The following MAF variants were observed in gnomAD, a reference collection of about 807,000 sequenced individuals.
MAF encodes the protein transcription factor Maf.
A neutral mutation model predicts 22.0 loss-of-function variants in MAF; 10 were observed. That is an observed-to-expected ratio of 0.45 (90% confidence interval 0.28 to 0.77). The LOEUF (loss-of-function observed/expected upper bound fraction) is 0.77, where lower values mean the gene tolerates loss of function less well. Ranked by LOEUF, MAF falls within the 30% of genes least tolerant of loss-of-function variation. The pLI, the probability that MAF is intolerant of heterozygous loss-of-function variation, is 0.12. For synonymous variants in MAF, 337 were observed against 255.8 expected (o/e 1.32, Z -3.03); for missense variants, 544 against 548.4 (o/e 0.99, Z 0.08).
At chr16:79,550,571 A>T in the MAF span, among the ~76,000 whole-genome samples, 2 of 152,196 alleles carry the variant, frequency 1.3e-5, no homozygotes, top group African/African-American at 4.8e-5. Flanking sequence ...ATTGTCATGC[A>T]AAAAGGAGAG....
the MAF span, among the ~76,000 whole-genome samples, chr16:79,217,986 TAAAAAAAAAAAAAA>T: frequency 0.01 from 532 of 52,130 alleles, 12 homozygotes; most frequent in East Asian, 0.14. Flanking sequence ...GAAGCTTATG[TAAAAAAAAAAAAAA>T]AAAAAAAAAA....
chr16:79,500,765 T>G, the MAF span, among the ~76,000 whole-genome samples: 1 of 152,168 alleles, frequency 6.6e-6, no homozygotes, highest in Non-Finnish European at 1.5e-5. Flanking sequence ...CCAGTAGAGA[T>G]GCAGACTGAC....
At chr16:79,569,380 GT>G in the MAF span, among the ~76,000 whole-genome samples, 1 of 152,204 alleles carries the variant, frequency 6.6e-6, no homozygotes, top group African/African-American at 2.4e-5. Flanking sequence ...AAACAGGTGA[GT>G]TTCTCTGGAT....
chr16:79,498,753 T>C, the MAF span, among the ~76,000 whole-genome samples: 1 of 152,258 alleles, frequency 6.6e-6, no homozygotes, highest in East Asian at 1.9e-4. Flanking sequence ...ACATAACCTC[T>C]ATACTATCCT....
the MAF span, among the ~76,000 whole-genome samples, chr16:79,346,034 CT>C: frequency 7.3e-5 from 11 of 151,054 alleles, no homozygotes; most frequent in African/African-American, 1.5e-4. Flanking sequence ...AGGGCTCATT[CT>C]TTTTTTTTAT....
At chr16:79,348,825 C>A in the MAF span, among the ~76,000 whole-genome samples, 2 of 152,318 alleles carry the variant, frequency 1.3e-5, no homozygotes, top group African/African-American at 4.8e-5. Context: ...TGAGTCAGGG[C>A]AGATATTCTG....
downstream of MAF, among the ~76,000 whole-genome samples, chr16:79,582,737 A>T (rs180705196): frequency 6.6e-6 from 1 of 152,372 alleles, no homozygotes; most frequent in Admixed American, 6.5e-5. Flanking sequence ...CAGTGCCAAC[A>T]GATATATTGA....
At chr16:79,563,331 A>G in the MAF span, among the ~76,000 whole-genome samples, 1 of 152,186 alleles carries the variant, frequency 6.6e-6, no homozygotes, top group African/African-American at 2.4e-5. Flanking sequence ...TAAATTATTA[A>G]TTTTGTTTGA....
the MAF span, among the ~76,000 whole-genome samples, chr16:79,569,730 T>C: frequency 6.6e-6 from 1 of 152,222 alleles, no homozygotes; most frequent in Non-Finnish European, 1.5e-5. Context: ...ACCCCAGGAT[T>C]ATTTAATTGA....
chr16:79,207,988 G>A, the MAF span, among the ~76,000 whole-genome samples: 1 of 152,060 alleles, frequency 6.6e-6, no homozygotes, highest in African/African-American at 2.4e-5. Flanking sequence ...TAGATCTGAG[G>A]GCCTCAACTA....
At chr16:79,391,141 A>C in the MAF span, among the ~76,000 whole-genome samples, 1 of 152,160 alleles carries the variant, frequency 6.6e-6, no homozygotes, top group Non-Finnish European at 1.5e-5. Context: ...TGGAGTCAGA[A>C]AACTCAGGTT....
chr16:79,205,964 G>C, the MAF span: 1 of 152,160 alleles, frequency 6.6e-6, no homozygotes, highest in Admixed American at 6.5e-5. Context: ...CAAAGAGTAG[G>C]TTTCTTAGTT....
chr16:79,296,193 G>C, the MAF span, among the ~76,000 whole-genome samples: 1 of 152,276 alleles, frequency 6.6e-6, no homozygotes, highest in South Asian at 2.1e-4. Flanking sequence ...TATTATATAC[G>C]AAGCAAGTAC....
chr16:79,388,026 G>A, the MAF span, among the ~76,000 whole-genome samples: 2 of 152,208 alleles, frequency 1.3e-5, no homozygotes, highest in Non-Finnish European at 2.9e-5. Context: ...TGAGATTCCT[G>A]TCTCAAAACT....
chr16:79,297,745 T>C, the MAF span, among the ~76,000 whole-genome samples: 1 of 152,216 alleles, frequency 6.6e-6, no homozygotes, highest in East Asian at 1.9e-4. Flanking sequence ...CATGGAGTTC[T>C]GTGGAAATGT....
the MAF span, among the ~76,000 whole-genome samples, chr16:79,531,531 T>C: frequency 1.3e-5 from 2 of 152,172 alleles, no homozygotes; most frequent in Admixed American, 1.3e-4. Flanking sequence ...AAGCTTGTTT[T>C]CTTGCCACCA....
the MAF span, among the ~76,000 whole-genome samples, chr16:79,275,958 G>A: frequency 1.3e-5 from 2 of 152,076 alleles, no homozygotes; most frequent in Non-Finnish European, 2.9e-5. Context: ...TGGCTAACAC[G>A]GTGAAATCCT....
At chr16:79,428,172 G>C in the MAF span, among the ~76,000 whole-genome samples, 78 of 148,200 alleles carry the variant, frequency 5.3e-4, no homozygotes, top group African/African-American at 1.8e-3. Context: ...AAAAAGCACA[G>C]CTCTAAGTGA....
chr16:79,413,782 G>A, the MAF span, among the ~76,000 whole-genome samples: 3 of 152,184 alleles, frequency 2.0e-5, no homozygotes, highest in Admixed American at 6.5e-5. Flanking sequence ...CAATCTTTCC[G>A]AAGAGGCAAC....
Sources: gnomAD v4.1 joint callset for allele counts (sites outside exome capture counted in the v4.1 genomes callset) on GRCh38, gnomAD v4.1.1 for gene constraint, MANE v1.5 for transcripts, NCBI Gene and HGNC (gene_info 2026-07-23, HGNC 2026-07-21) for gene names.